Variants in SYNRG observed in about 807,000 individuals in gnomAD.
SYNRG encodes the protein AP1 gamma subunit binding protein 1.
A neutral mutation model predicts 130.9 loss-of-function variants in SYNRG; 37 were observed. The observed-to-expected ratio is 0.28, with a 90% CI of 0.22 to 0.37. SYNRG has a LOEUF of 0.37. Ranked by LOEUF, SYNRG falls within the 10% of genes least tolerant of loss-of-function variation. SYNRG has a pLI of 1.00. For missense variants in SYNRG, 1,338 were observed against 1,588.9 expected (o/e 0.84, Z 2.68); for synonymous variants, 539 against 568.1 (o/e 0.95, Z 0.73).
Position 37,554,439 on chromosome 17 carries a change from G to A in SYNRG, c.1664-380C>T, listed in dbSNP as rs149477062. ...AAATAGGGCTAGAGGTTCTTGAAGA[G>A]AGGCATATTAAAACAGTGGCCCTTT... On this transcript the variant is annotated intron_variant, in intron 13 of 21. Transcript: ENST00000612223. Among the ~76,000 whole-genome samples, 343 of 152,226 alleles carry A rather than the reference G, an allele frequency of 2.3e-3. 4 individuals are homozygous for A. Among genetic ancestry groups the A allele is most frequent in the African/African-American group, 7.7e-3 (321 of 41,524 alleles).
intron 19 of SYNRG, among the ~76,000 whole-genome samples, chr17:37,533,414 A>C (rs1038600384): frequency 4.0e-5 from 6 of 151,378 alleles, no homozygotes; most frequent in Non-Finnish European, 7.4e-5. Context: ...AAAAAAAAAA[A>C]CAAAACAGTC....
In SYNRG at chr17:37,602,126, G is replaced by T. The variant is rs533917164; in HGVS notation, c.78-1723C>A. ...CAAGGTAGGTGGATCACCTGAGGTTGGGAGTTCCAGACCAGCCTGACCAAC... is the reference window on the plus strand; with the variant it reads ...CAAGGTAGGTGGATCACCTGAGGTTTGGAGTTCCAGACCAGCCTGACCAAC... On this transcript the variant is annotated intron_variant, in intron 1 of 21. Transcript: ENST00000612223. Among the ~76,000 whole-genome samples, 53 of 151,902 alleles carry T rather than the reference G, an allele frequency of 3.5e-4. 1 individual carries two copies. The highest frequency in any genetic ancestry group is 6.8e-3 in the Middle Eastern group (2 of 294).
Position 37,516,281 on chromosome 17 carries a change from GT to G in SYNRG, c.*2658del, listed in dbSNP as rs1326366009. The stretch of plus-strand genomic sequence containing the variant: ...GCAGCGTTGAGCCATTTTAATAAAC[GT>G]TTATAAAGAAAAGCAGCGCAACCGT... On this transcript the variant is annotated 3_prime_UTR_variant, in exon 22 of 22. Transcript: ENST00000612223. The G allele has an allele frequency of 6.6e-6, 1 of 152,162 alleles. No homozygotes were observed. The highest frequency in any genetic ancestry group is 1.5e-5 in the Non-Finnish European group (1 of 68,040). 9.4% of individuals were successfully genotyped at this position (152,162 alleles called of 1,614,324 possible).
Position 37,516,647 on chromosome 17 carries a change from T to C in SYNRG, c.*2293A>G, listed in dbSNP as rs1313848228. The C allele has an allele frequency of 1.3e-5, 2 of 151,376 alleles. No individual in the cohort carries two copies. The highest frequency in any genetic ancestry group is 2.9e-5 in the Non-Finnish European group (2 of 67,890). 9.4% of individuals were successfully genotyped at this position (151,376 alleles called of 1,614,324 possible). ...CAAAAAAATGCTTCAGCAATACAAA[T>C]TCAAACTGGGAAACTTTTTTTTTTT... is the stretch of plus-strand genomic sequence containing the variant. On this transcript the variant is annotated 3_prime_UTR_variant, in exon 22 of 22. Coordinates refer to ENST00000612223, the MANE Select transcript of SYNRG (RefSeq NM_007247.6).
chr17:37,573,871 T>A lies in SYNRG; in HGVS notation c.902-1884A>T, dbSNP rs138712173. Reference sequence around the variant, plus strand: ...GCAATCCCTATCAATACCAATTACATTCTTCACAGAAACAGAAAACATAAT... The same window carrying A: ...GCAATCCCTATCAATACCAATTACAATCTTCACAGAAACAGAAAACATAAT... On this transcript the variant is annotated intron_variant, in intron 8 of 21. Transcript: ENST00000612223. 2.6e-3 allele frequency among the ~76,000 whole-genome samples: 395 copies of A among 152,284 alleles called. 2 individuals carry two copies. The highest frequency in any genetic ancestry group is 8.3e-3 in the African/African-American group (344 of 41,540).
intron 12 of SYNRG, 69 bp downstream of exon 12, chr17:37,561,402 A>G: frequency 6.8e-7 from 1 of 1,471,054 alleles, no homozygotes; most frequent in African/African-American, 1.4e-5. Context: ...ACCACCACTT[A>G]AAGATTCATA....
chr17:37,572,699 A>G (rs1192666999), intron 8 of SYNRG, among the ~76,000 whole-genome samples: 1 of 152,228 alleles, frequency 6.6e-6, no homozygotes, highest in East Asian at 1.9e-4. Flanking sequence ...AGGCTGTGAG[A>G]GAAAACACCA....
chr17:37,607,972 A>AAAAAAAAAAAAAAAAAAAG (rs2063939288), intron 1 of SYNRG, among the ~76,000 whole-genome samples: 1 of 144,458 alleles, frequency 6.9e-6, no homozygotes, highest in Non-Finnish European at 1.5e-5. Flanking sequence ...AAAAAAAAAA[A>AAAAAAAAAAAAAAAAAAAG]AAAAAAAACA....
intron 14 of SYNRG, among the ~76,000 whole-genome samples, chr17:37,543,344 A>G (rs893709098): frequency 3.3e-5 from 5 of 151,924 alleles, no homozygotes; most frequent in Non-Finnish European, 1.5e-5. Context: ...AAAGAAGAAA[A>G]AGAAAGAACT....
chr17:37,554,045 C>T lies in SYNRG; in HGVS notation c.1678G>A (p.Glu560Lys). ...TCATCAGTTCCTGCAGATCTGAATT[C>T]TGCAAAGCTTTCTCCTGAAAGAAAA... ...ENKPLGESFA[E>K]FRSAGTDDGF... Residue 560 changes from glutamate to lysine, a missense_variant, in exon 14 of 22, where the codon GAA becomes AAA. Physicochemically the swap from Glu to Lys is moderately conservative, Grantham distance 56. Around this residue, in one of 3 missense-constraint regions of SYNRG, gnomAD observed 1,146 missense variants for 1,342.3 expected, o/e 0.85. Transcript: ENST00000612223. 6.3e-7 allele frequency: 1 copy of T among 1,596,546 alleles called. No homozygotes were observed. The highest frequency in any genetic ancestry group is 8.5e-7 in the Non-Finnish European group (1 of 1,176,104).
intron 3 of SYNRG, among the ~76,000 whole-genome samples, chr17:37,590,110 G>A (rs2062032045): frequency 6.6e-6 from 1 of 151,604 alleles, no homozygotes; most frequent in Non-Finnish European, 1.5e-5. Flanking sequence ...GGCGGCAGCT[G>A]CAGTGAGCTG....
At chr17:37,524,034 A>G (rs2055506660) in intron 19 of SYNRG, among the ~76,000 whole-genome samples, 2 of 152,194 alleles carry the variant, frequency 1.3e-5, no homozygotes, top group Admixed American at 1.3e-4. Context: ...GGCGCTGCAC[A>G]ATGTTTGCTA....
intron 19 of SYNRG, 43 bp from the exon 20 acceptor site, chr17:37,520,691 C>CG (rs771765577): frequency 6.5e-7 from 1 of 1,538,424 alleles, no homozygotes; most frequent in Non-Finnish European, 9.0e-7. Flanking sequence ...TCCACAAGTC[C>CG]ACACGCTGTT....
intron 19 of SYNRG, among the ~76,000 whole-genome samples, chr17:37,533,428 T>A (rs560087650): frequency 6.6e-6 from 1 of 150,620 alleles, no homozygotes; most frequent in East Asian, 2.0e-4. Flanking sequence ...AACAGTCTGG[T>A]AGAGGTGTGC....
At chr17:37,602,869 C>T (rs1332011681) in intron 1 of SYNRG, among the ~76,000 whole-genome samples, 1 of 151,908 alleles carries the variant, frequency 6.6e-6, no homozygotes, top group Non-Finnish European at 1.5e-5. Flanking sequence ...ACTAAAAATA[C>T]AAAAATTAGC....
intron 13 of SYNRG, 95 bp downstream of exon 13, chr17:37,561,100 C>T: frequency 2.8e-6 from 3 of 1,064,824 alleles, no homozygotes; most frequent in Non-Finnish European, 4.3e-6. Context: ...CACACACACA[C>T]TAAAATAAAG....
intron 11 of SYNRG, among the ~76,000 whole-genome samples, chr17:37,566,225 G>T (rs1322408491): frequency 1.1e-4 from 16 of 152,080 alleles, no homozygotes; most frequent in South Asian, 2.1e-4. Context: ...TTGAGAAATC[G>T]GATGGTTGCC....
At chr17:37,572,748 G>T (rs2060527361) in intron 8 of SYNRG, among the ~76,000 whole-genome samples, 2 of 152,166 alleles carry the variant, frequency 1.3e-5, no homozygotes, top group African/African-American at 2.4e-5. Flanking sequence ...TTTAAGGAAA[G>T]ACCCAGTTTC....
intron 3 of SYNRG, among the ~76,000 whole-genome samples, chr17:37,588,722 T>C (rs970472883): frequency 6.6e-6 from 1 of 150,756 alleles, no homozygotes; most frequent in Non-Finnish European, 1.5e-5. Context: ...AAAATTAGTA[T>C]CACAGTCCTA....
Sources: allele counts gnomAD v4.1 joint callset (sites outside exome capture counted in the v4.1 genomes callset), GRCh38; gene constraint gnomAD v4.1.1; regional missense constraint gnomAD v4.1.1; transcripts MANE v1.5; gene names NCBI Gene and HGNC (gene_info 2026-07-23, HGNC 2026-07-21).